CEP112: variants seen among roughly 807,000 people sequenced by gnomAD.
CEP112 encodes centrosomal protein 112.
CEP112 carries 127 observed loss-of-function variants against 153.0 expected under a neutral mutation model. That is an observed-to-expected ratio of 0.83 (90% CI 0.72 to 0.96). The LOEUF (loss-of-function observed/expected upper bound fraction) is 0.96, where lower values mean the gene tolerates loss of function less well. Ranked by LOEUF, CEP112 falls within the 40% of genes least tolerant of loss-of-function variation. CEP112 has a pLI of 0.00. For missense variants in CEP112, 1,089 were observed against 1,101.2 expected (o/e 0.99, Z 0.16); for synonymous variants, 358 against 374.4 (o/e 0.96, Z 0.51).
intron 21 of CEP112, among the ~76,000 whole-genome samples, chr17:65,762,700 T>C (rs1215872798): frequency 6.6e-6 from 1 of 151,974 alleles, no homozygotes; most frequent in East Asian, 1.9e-4. Context: ...GAGTACCTTA[T>C]ATGAATGAAA....
Position 66,074,923 on chromosome 17 carries a change from A to G in CEP112, c.769-4922T>C, listed in dbSNP as rs189179128. On this transcript the variant is annotated intron_variant, in intron 8 of 26. Transcript: ENST00000535342. ...TAAAAGCAGCCAGAGGAAAACAGGC[A>G]TTACATTCAGAGAAACAACAGGCTC... Among the ~76,000 whole-genome samples, 700 of 151,968 alleles carry G rather than the reference A, an allele frequency of 4.6e-3. 5 individuals are homozygous for G. Among genetic ancestry groups the G allele is most frequent in the African/African-American group, 0.016 (675 of 41,482 alleles).
intron 18 of CEP112, among the ~76,000 whole-genome samples, chr17:65,930,283 A>C (rs536905514): frequency 2.0e-5 from 3 of 152,358 alleles, no homozygotes; most frequent in Non-Finnish European, 2.9e-5. Context: ...TTCACAATAT[A>C]TTTGAAAAAA....
intron 23 of CEP112, among the ~76,000 whole-genome samples, chr17:65,722,939 A>G (rs1466926553): frequency 6.6e-6 from 1 of 152,236 alleles, no homozygotes; most frequent in East Asian, 1.9e-4. Context: ...GCAAGGCTGA[A>G]ACAGAGGCCA....
chr17:65,914,305 C>G (rs1653467944), intron 19 of CEP112, among the ~76,000 whole-genome samples: 1 of 150,522 alleles, frequency 6.6e-6, no homozygotes, highest in South Asian at 2.1e-4. Context: ...ATATAAAAAT[C>G]ATGTAAGTTT....
At chr17:65,683,851 G>A (rs1207192320) in intron 24 of CEP112, among the ~76,000 whole-genome samples, 1 of 152,122 alleles carries the variant, frequency 6.6e-6, no homozygotes, top group East Asian at 1.9e-4. Context: ...AGACCAGCCT[G>A]GCCAATATGG....
intron 16 of CEP112, among the ~76,000 whole-genome samples, chr17:66,007,041 T>C (rs1385313248): frequency 6.6e-6 from 1 of 152,232 alleles, no homozygotes; most frequent in African/African-American, 2.4e-5. Context: ...ACCCTATCTT[T>C]AACCTCTTCT....
At chr17:65,772,501 GATAA>G (rs2053418641) in intron 21 of CEP112, among the ~76,000 whole-genome samples, 1 of 151,492 alleles carries the variant, frequency 6.6e-6, no homozygotes. Flanking sequence ...AAACAAAATG[GATAA>G]ATCTCTTAAG....
chr17:65,908,444 CCAACACTTTGGGAG>C (rs561777607), intron 19 of CEP112, among the ~76,000 whole-genome samples: 32 of 152,206 alleles, frequency 2.1e-4, no homozygotes, highest in African/African-American at 6.5e-4. Flanking sequence ...GCCTGTAATC[CCAACACTTTGGGAG>C]GCTGAGCCGG....
intron 17 of CEP112, among the ~76,000 whole-genome samples, chr17:65,970,347 T>C (rs1446837484): frequency 2.0e-5 from 2 of 97,578 alleles, no homozygotes; most frequent in Non-Finnish European, 4.6e-5. Flanking sequence ...TACATGCATG[T>C]GCACTATGTG....
intron 20 of CEP112, among the ~76,000 whole-genome samples, chr17:65,880,721 G>A (rs946029322): frequency 6.6e-6 from 1 of 152,202 alleles, no homozygotes; most frequent in South Asian, 2.1e-4. Context: ...GTGCTCTGAG[G>A]CTGGGGCTAG....
chr17:66,087,953 G>A (rs1044327713), intron 8 of CEP112, among the ~76,000 whole-genome samples: 4 of 152,100 alleles, frequency 2.6e-5, no homozygotes, highest in East Asian at 1.9e-4. Context: ...CCCCAGGACT[G>A]ACCCTGCAAA....
At chr17:66,083,628 T>C (rs975755427) in intron 8 of CEP112, among the ~76,000 whole-genome samples, 4 of 152,186 alleles carry the variant, frequency 2.6e-5, no homozygotes, top group Non-Finnish European at 5.9e-5. Flanking sequence ...GTGGGCAGAC[T>C]GCCTGAGCTC....
chr17:66,143,206 G>A (rs898268199), intron 4 of CEP112, among the ~76,000 whole-genome samples: 2 of 152,194 alleles, frequency 1.3e-5, no homozygotes, highest in African/African-American at 4.8e-5. Context: ...ATATTCATAT[G>A]TCCAACATAG....
intron 23 of CEP112, among the ~76,000 whole-genome samples, chr17:65,713,999 TTC>T (rs2049351354): frequency 6.6e-6 from 1 of 152,184 alleles, no homozygotes; most frequent in African/African-American, 2.4e-5. Flanking sequence ...GGATTTTGTT[TTC>T]TTTTTTAGGC....
rs138892906 is a variant in CEP112 at position 65,729,438 on chromosome 17, A to G, written c.2607+13630T>C. Among the ~76,000 whole-genome samples the G allele has an allele frequency of 2.9e-3, 443 of 152,224 alleles. 15 individuals are homozygous for G. The South Asian group carries it at 0.063, about 22-fold the overall frequency. On this transcript the variant is annotated intron_variant, in intron 23 of 26. Transcript: ENST00000535342. ...AGTAATTGCGGTTTTTGCCATTACC[A>G]CAATTACTTTTGCACCATCTAATAC...
Position 66,162,915 on chromosome 17 carries a change from T to C in CEP112, c.470+12129A>G, listed in dbSNP as rs2071774568. Reference sequence around the variant, plus strand: ...GTGTTGTATTTTGATTTTAACATTTTACCAAAAGACAAAGAATGAACTATA... The same window carrying C: ...GTGTTGTATTTTGATTTTAACATTTCACCAAAAGACAAAGAATGAACTATA... On this transcript the variant is annotated intron_variant, in intron 4 of 26. Coordinates refer to ENST00000535342, the MANE Select transcript of CEP112 (RefSeq NM_001199165.4). Among the ~76,000 whole-genome samples, 3 of 152,280 alleles carry C rather than the reference T, an allele frequency of 2.0e-5. No individual in the cohort carries two copies. The South Asian group carries it at 6.2e-4, about 32-fold the overall frequency.
intron 17 of CEP112, among the ~76,000 whole-genome samples, chr17:65,971,596 CATATTGTGT>C (rs2062824203): frequency 1.7e-5 from 1 of 59,042 alleles, no homozygotes; most frequent in Admixed American, 3.6e-4. Flanking sequence ...TACATGCATG[CATATTGTGT>C]GCATATTATA....
intron 20 of CEP112, among the ~76,000 whole-genome samples, chr17:65,858,408 T>C (rs2058197001): frequency 6.6e-6 from 1 of 152,200 alleles, no homozygotes; most frequent in Non-Finnish European, 1.5e-5. Context: ...TAGTTTCCTG[T>C]TTTGTCTTGC....
intron 22 of CEP112, among the ~76,000 whole-genome samples, chr17:65,747,363 G>A (rs1267803905): frequency 6.6e-6 from 1 of 152,142 alleles, no homozygotes; most frequent in Admixed American, 6.5e-5. Flanking sequence ...ATCAGGCATT[G>A]GGTAGTGTGG....
Sources: gnomAD v4.1 joint callset for allele counts (sites outside exome capture counted in the v4.1 genomes callset) on GRCh38, gnomAD v4.1.1 for gene constraint, MANE v1.5 for transcripts, NCBI Gene and HGNC (gene_info 2026-07-23, HGNC 2026-07-21) for gene names.